CLIP1: variants seen among roughly 807,000 people sequenced by gnomAD.
CLIP1 encodes the protein CAP-Gly domain-containing linker protein 1.
In CLIP1, 66 loss-of-function variants were observed where a neutral mutation model predicts 161.6. The observed-to-expected ratio is 0.41, with a 90% CI of 0.33 to 0.50. The LOEUF is 0.50. CLIP1 is among the 20% of genes least tolerant of loss of function. The pLI, the probability that CLIP1 is intolerant of heterozygous loss-of-function variation, is 0.27. For missense variants in CLIP1, 1,376 were observed against 1,702.0 expected, an observed-to-expected ratio of 0.81 and a Z score of 3.37; for synonymous variants, 598 against 626.2, an observed-to-expected ratio of 0.96 and a Z score of 0.67.
Position 122,422,660 on chromosome 12 carries a change from G to T in CLIP1, c.-246C>A, listed in dbSNP as rs1373624688. The T allele has an allele frequency of 6.9e-6, 1 of 144,526 alleles. No homozygotes were observed. The highest frequency in any genetic ancestry group is 2.5e-5 in the African/African-American group (1 of 40,256). The allele number at this position is 144,526 out of a possible 1,614,324, so 9.0% of individuals were successfully genotyped here. ...GCCGCCGCCGCCGCGGGGCCGGGCG[G>T]GCGCGCGCTGCCAGGAGAAGACGCC... is the stretch of plus-strand genomic sequence containing the variant. On this transcript the variant is annotated 5_prime_UTR_variant, in exon 1 of 26. Coordinates refer to ENST00000620786, the MANE Select transcript of CLIP1 (RefSeq NM_001247997.2).
At position 122,278,206 on chromosome 12, in the gene CLIP1, T is replaced by A. The variant is rs975549857; in HGVS notation, c.3917-3A>T. 3 of 1,559,886 alleles carry A rather than the reference T, an allele frequency of 1.9e-6. No individual in the cohort carries two copies. Among genetic ancestry groups the A allele is most frequent in the Non-Finnish European group, 8.6e-7 (1 of 1,164,896 alleles). On this transcript the variant is annotated splice_region_variant and splice_polypyrimidine_tract_variant and intron_variant, in intron 23 of 25. Coordinates refer to ENST00000620786, the MANE Select transcript of CLIP1 (RefSeq NM_001247997.2). ...GTCTGCCTGAGTGTCTGTATTACCTTATATTTGAGGAAAAAAAAAAAAAAA... is the reference window on the plus strand; with the variant it reads ...GTCTGCCTGAGTGTCTGTATTACCTAATATTTGAGGAAAAAAAAAAAAAAA...
At chr12:122,334,536 G>A (rs1306341808) in intron 13 of CLIP1, 112 bp downstream of exon 13, 1 of 729,664 alleles carries the variant, frequency 1.4e-6, no homozygotes, top group Non-Finnish European at 2.3e-6. Flanking sequence ...GAACTTCCAG[G>A]AGAGTGAAAT....
intron 1 of CLIP1, among the ~76,000 whole-genome samples, chr12:122,409,823 C>T (rs940364079): frequency 6.6e-6 from 1 of 151,684 alleles, no homozygotes; most frequent in African/African-American, 2.4e-5. Flanking sequence ...TGGGCCACCG[C>T]GCCCGGCCTC....
chr12:122,388,834 C>T (rs1185568470), intron 1 of CLIP1, among the ~76,000 whole-genome samples: 2 of 152,112 alleles, frequency 1.3e-5, no homozygotes, highest in Non-Finnish European at 2.9e-5. Flanking sequence ...CTCGGCCTCC[C>T]AAAGTGCTGG....
In CLIP1 at chr12:122,340,773, T is replaced by C. The variant is rs1952461255; in HGVS notation, c.2431A>G (p.Lys811Glu). The stretch of plus-strand genomic sequence containing the variant: ...CAAACCTTGCTACTTTCAGCATTCT[T>C]TTCAATCTCTAAATGTTTAATCTGT... ...EKQIKHLEIE[K>E]NAESSKASSI... The change falls in exon 11 of 26, where the codon AAG becomes GAG. Residue 811 changes from lysine (K) to glutamate (E), a missense_variant. Lys to Glu is a moderately conservative substitution (Grantham distance 56, BLOSUM62 1). Transcript: ENST00000620786. The C allele has an allele frequency of 6.3e-7, 1 of 1,583,254 alleles. No individual in the cohort carries two copies. Among genetic ancestry groups the C allele is most frequent in the Non-Finnish European group, 8.6e-7 (1 of 1,166,018 alleles).
chr12:122,362,242 A>G (rs533008246), intron 4 of CLIP1, among the ~76,000 whole-genome samples: 3 of 151,430 alleles, frequency 2.0e-5, no homozygotes, highest in South Asian at 4.2e-4. Flanking sequence ...GTGAGCCACC[A>G]TGCCCCGCCC....
intron 15 of CLIP1, among the ~76,000 whole-genome samples, chr12:122,328,680 G>A (rs1358411557): frequency 6.6e-6 from 1 of 152,138 alleles, no homozygotes; most frequent in Non-Finnish European, 1.5e-5. Flanking sequence ...CGCCTCCCGG[G>A]TTCATGCCAT....
rs187313676 is a variant in CLIP1 at position 122,339,709 on chromosome 12, T to C, written c.2451+1044A>G. Reference sequence around the variant, plus strand: ...ATAGATAAGCAATTACAGTCATGCATTGCTTAAGAACCAGGATATCTTATG... The same window carrying C: ...ATAGATAAGCAATTACAGTCATGCACTGCTTAAGAACCAGGATATCTTATG... On this transcript the variant is annotated intron_variant, in intron 11 of 25. Coordinates refer to ENST00000620786, the MANE Select transcript of CLIP1 (RefSeq NM_001247997.2). Among the ~76,000 whole-genome samples, 11 of 152,332 alleles carry C rather than the reference T, an allele frequency of 7.2e-5. No homozygotes were observed. The East Asian group carries it at 1.9e-3, about 27-fold the overall frequency.
intron 21 of CLIP1, among the ~76,000 whole-genome samples, chr12:122,281,046 G>A (rs1205288263): frequency 2.0e-5 from 3 of 152,174 alleles, no homozygotes; most frequent in Non-Finnish European, 2.9e-5. Context: ...CAAGATATCC[G>A]GCACACAAGT....
At chr12:122,335,601 G>A (rs1450173124) in intron 12 of CLIP1, among the ~76,000 whole-genome samples, 6 of 152,052 alleles carry the variant, frequency 3.9e-5, no homozygotes, top group Admixed American at 1.3e-4. Context: ...GAGGTCAGTC[G>A]TTCAAGACCA....
At chr12:122,344,723 G>A (rs545096056) in intron 10 of CLIP1, among the ~76,000 whole-genome samples, 5 of 152,300 alleles carry the variant, frequency 3.3e-5, no homozygotes, top group Non-Finnish European at 5.9e-5. Flanking sequence ...CATGAATTAA[G>A]TCAGAAATTA....
At chr12:122,302,574 G>C (rs112980535) in intron 20 of CLIP1, among the ~76,000 whole-genome samples, 1 of 151,592 alleles carries the variant, frequency 6.6e-6, no homozygotes, top group Admixed American at 6.6e-5. Flanking sequence ...TTTCCTTATC[G>C]TATCTCCTAA....
intron 1 of CLIP1, among the ~76,000 whole-genome samples, chr12:122,396,307 C>T (rs1042672549): frequency 6.6e-6 from 1 of 152,134 alleles, no homozygotes; most frequent in African/African-American, 2.4e-5. Context: ...AGCCTCGGGA[C>T]AGCTCCGGAA....
chr12:122,405,073 A>G (rs1956280364), intron 1 of CLIP1, among the ~76,000 whole-genome samples: 1 of 152,210 alleles, frequency 6.6e-6, no homozygotes, highest in African/African-American at 2.4e-5. Context: ...CTTCAAAAAC[A>G]CATGCCTTTC....
In CLIP1 at chr12:122,360,176, TCA is replaced by T. The variant is rs763207312; in HGVS notation, c.1005+781_1005+782del. On this transcript the variant is annotated intron_variant, in intron 5 of 25. Coordinates refer to ENST00000620786, the MANE Select transcript of CLIP1 (RefSeq NM_001247997.2). ...TCCTCTGGCTCAAGTCAGGGACACT[TCA>T]CACACTAACTGCTTCCAGTAGGTCA... 9.6e-4 allele frequency among the ~76,000 whole-genome samples: 146 copies of T among 152,306 alleles called. 1 individual carries two copies. The highest frequency in any genetic ancestry group is 8.5e-4 in the Admixed American group (13 of 15,300).
intron 18 of CLIP1, among the ~76,000 whole-genome samples, chr12:122,318,425 C>T (rs1324033931): frequency 2.6e-5 from 4 of 151,962 alleles, no homozygotes; most frequent in African/African-American, 4.8e-5. Context: ...CCCAGCTACT[C>T]GGGAGGCTGA....
chr12:122,371,009 A>T (rs1386363098), intron 3 of CLIP1, among the ~76,000 whole-genome samples: 1 of 151,992 alleles, frequency 6.6e-6, no homozygotes, highest in Non-Finnish European at 1.5e-5. Flanking sequence ...CTGGGGGTTG[A>T]TAAAATGCAG....
chr12:122,397,277 G>A (rs1566226282), intron 1 of CLIP1, among the ~76,000 whole-genome samples: 1 of 151,242 alleles, frequency 6.6e-6, no homozygotes, highest in Non-Finnish European at 1.5e-5. Flanking sequence ...CAGCAACCTC[G>A]AAAGCATGTA....
At chr12:122,357,962 G>A (rs1426784477) in intron 5 of CLIP1, among the ~76,000 whole-genome samples, 1 of 152,140 alleles carries the variant, frequency 6.6e-6, no homozygotes, top group Non-Finnish European at 1.5e-5. Flanking sequence ...TTGAGAACGG[G>A]CCATGATGAC....
Sources: gnomAD v4.1 joint callset for allele counts (sites outside exome capture counted in the v4.1 genomes callset) on GRCh38, gnomAD v4.1.1 for gene constraint, MANE v1.5 for transcripts, NCBI Gene and HGNC (gene_info 2026-07-23, HGNC 2026-07-21) for gene names.